Variants in CNOT6 observed in about 807,000 individuals in gnomAD.
CNOT6 encodes the protein carbon catabolite repression 4 protein.
Under a neutral mutation model 61.2 loss-of-function variants are expected in CNOT6, and 12 were observed. That is an observed-to-expected ratio of 0.20 (90% CI 0.13 to 0.32). CNOT6 has a LOEUF of 0.32. Ranked by LOEUF, CNOT6 falls within the 10% of genes least tolerant of loss-of-function variation. The pLI is 1.00. For missense variants in CNOT6, 405 were observed against 663.9 expected (o/e 0.61, Z 4.28); for synonymous variants, 225 against 240.6 (o/e 0.94, Z 0.60).
intron 1 of CNOT6, among the ~76,000 whole-genome samples, chr5:180,512,428 A>C (rs553989190): frequency 9.2e-5 from 14 of 152,190 alleles, no homozygotes; most frequent in African/African-American, 2.9e-4. Flanking sequence ...ATTGGGACAG[A>C]AGTCTGGAAA....
chr5:180,497,504 G>A (rs902166312), intron 1 of CNOT6, among the ~76,000 whole-genome samples: 8 of 152,096 alleles, frequency 5.3e-5, no homozygotes, highest in African/African-American at 1.7e-4. Flanking sequence ...TCTTTGGGCC[G>A]TTAGGGGTGA....
At chr5:180,515,474 TA>T (rs1184317196) in intron 1 of CNOT6, among the ~76,000 whole-genome samples, 1 of 152,090 alleles carries the variant, frequency 6.6e-6, no homozygotes, top group Non-Finnish European at 1.5e-5. Flanking sequence ...GTTGAGGTAG[TA>T]GAGGACTTTG....
chr5:180,537,577 T>C (rs1367383665), intron 2 of CNOT6, among the ~76,000 whole-genome samples: 1 of 152,208 alleles, frequency 6.6e-6, no homozygotes, highest in Non-Finnish European at 1.5e-5. Context: ...GTCTTACTCT[T>C]TTGACCGTGT....
At chr5:180,560,143 C>T (rs577194178) in intron 4 of CNOT6, among the ~76,000 whole-genome samples, 20 of 152,130 alleles carry the variant, frequency 1.3e-4, no homozygotes, top group Admixed American at 3.9e-4. Context: ...GACGAGGTTT[C>T]ACCATGTTGG....
At chr5:180,551,755 G>A (rs1247080718) in intron 3 of CNOT6, among the ~76,000 whole-genome samples, 2 of 152,018 alleles carry the variant, frequency 1.3e-5, no homozygotes, top group East Asian at 3.9e-4. Context: ...AAAGGTCTTT[G>A]CCTCTATTGC....
chr5:180,503,495 C>T (rs1249131867), intron 1 of CNOT6, among the ~76,000 whole-genome samples: 1 of 151,502 alleles, frequency 6.6e-6, no homozygotes, highest in Non-Finnish European at 1.5e-5. Flanking sequence ...GAACTCCTGA[C>T]CTGAAGTGAT....
intron 1 of CNOT6, among the ~76,000 whole-genome samples, chr5:180,498,979 C>T (rs1255949757): frequency 6.6e-6 from 1 of 152,122 alleles, no homozygotes; most frequent in Non-Finnish European, 1.5e-5. Flanking sequence ...TTAGTAGAGG[C>T]AGGGTTTCAC....
At chr5:180,527,182 T>G (rs1758139288) in intron 1 of CNOT6, among the ~76,000 whole-genome samples, 1 of 152,344 alleles carries the variant, frequency 6.6e-6, no homozygotes, top group Non-Finnish European at 1.5e-5. Context: ...TAATATTAAC[T>G]GATATTTAGT....
At chr5:180,564,986 T>G (rs919807766) in intron 6 of CNOT6, among the ~76,000 whole-genome samples, 14 of 152,258 alleles carry the variant, frequency 9.2e-5, no homozygotes, top group African/African-American at 3.4e-4. Flanking sequence ...AGAGGACATT[T>G]GGCAATGTCT....
At chr5:180,525,254 A>G (rs1758047312) in intron 1 of CNOT6, among the ~76,000 whole-genome samples, 1 of 152,164 alleles carries the variant, frequency 6.6e-6, no homozygotes, top group African/African-American at 2.4e-5. Context: ...TTTGAAAAGT[A>G]GGCCGGGTGC....
chr5:180,510,294 A>C (rs1757333878), intron 1 of CNOT6, among the ~76,000 whole-genome samples: 1 of 151,850 alleles, frequency 6.6e-6, no homozygotes, highest in Non-Finnish European at 1.5e-5. Flanking sequence ...CCTTCCGAGT[A>C]GCCAGGACTT....
chr5:180,565,079 T>C (rs546804410), intron 6 of CNOT6, among the ~76,000 whole-genome samples: 46 of 152,380 alleles, frequency 3.0e-4, no homozygotes, highest in African/African-American at 1.1e-3. Context: ...CTCAGCATTC[T>C]ATAGTACACG....
At chr5:180,521,433 A>G (rs961708586) in intron 1 of CNOT6, among the ~76,000 whole-genome samples, 14 of 152,226 alleles carry the variant, frequency 9.2e-5, no homozygotes, top group African/African-American at 2.7e-4. Flanking sequence ...AAGTTCCAAC[A>G]GCCTAGATTT....
At chr5:180,562,194 T>C (rs1357434891) in intron 4 of CNOT6, among the ~76,000 whole-genome samples, 1 of 152,194 alleles carries the variant, frequency 6.6e-6, no homozygotes, top group Admixed American at 6.5e-5. Flanking sequence ...CTTTGGCTAT[T>C]CTGCCTTCTC....
intron 1 of CNOT6, among the ~76,000 whole-genome samples, chr5:180,513,618 C>T (rs905284344): frequency 8.6e-5 from 13 of 151,738 alleles, no homozygotes; most frequent in East Asian, 1.9e-4. Context: ...GTGATCTACC[C>T]GCCTCCGCCT....
chr5:180,570,751 G>T (rs1388899970), intron 10 of CNOT6, among the ~76,000 whole-genome samples: 1 of 152,196 alleles, frequency 6.6e-6, no homozygotes, highest in East Asian at 1.9e-4. Context: ...CCAGGGATGT[G>T]GACGTTTGGC....
intron 1 of CNOT6, among the ~76,000 whole-genome samples, chr5:180,498,438 A>G (rs1012215667): frequency 3.3e-5 from 5 of 152,170 alleles, no homozygotes; most frequent in African/African-American, 1.2e-4. Flanking sequence ...GGGGCAGTTT[A>G]CGGAAAATAA....
intron 1 of CNOT6, 79 bp downstream of exon 1, chr5:180,494,842 G>A (rs1756516256): frequency 6.6e-6 from 1 of 152,016 alleles, no homozygotes; most frequent in South Asian, 2.1e-4. Context: ...CCGTCGGCCG[G>A]GCTCGGTCGC....
Position 180,569,211 on chromosome 5 carries a change from A to T in CNOT6, c.1129A>T (p.Met377Leu). 4.3e-6 allele frequency: 7 copies of T among 1,614,164 alleles called. No homozygotes were observed. The highest frequency in any genetic ancestry group is 5.9e-6 in the Non-Finnish European group (7 of 1,179,958). The change falls in exon 10 of 12, where the codon ATG becomes TTG. Residue 377 changes from methionine to leucine, a missense_variant. By Grantham distance (15) the Met-to-Leu change is conservative (BLOSUM62 2). Coordinates refer to ENST00000261951, the MANE Select transcript of CNOT6 (RefSeq NM_001370472.1). ...CTCTGATGTGAAGTTGGTACAAACT[A>T]TGATGTTCCTCTCAGAAGTGAAGAA... is the stretch of plus-strand genomic sequence containing the variant. ...EYSDVKLVQT[M>L]MFLSEVKNII...
Sources: allele counts gnomAD v4.1 joint callset (sites outside exome capture counted in the v4.1 genomes callset), GRCh38; gene constraint gnomAD v4.1.1; transcripts MANE v1.5; gene names NCBI Gene and HGNC (gene_info 2026-07-23, HGNC 2026-07-21).